The following STAU2 variants were observed in gnomAD, a reference collection of about 807,000 sequenced individuals.
The protein encoded by STAU2 is staufen double-stranded RNA binding protein 2, also known as double-stranded RNA-binding protein Staufen homolog 2.
STAU2 carries 20 observed loss-of-function variants against 65.9 expected under a neutral mutation model. The observed-to-expected ratio is 0.30, with a 90% CI of 0.21 to 0.44. The LOEUF (loss-of-function observed/expected upper bound fraction) is 0.44. STAU2 is among the 20% of genes least tolerant of loss of function. STAU2 has a pLI of 1.00. For synonymous variants in STAU2, 232 were observed against 233.9 expected, an observed-to-expected ratio of 0.99 and a Z score of 0.07; for missense variants, 558 against 683.9, an observed-to-expected ratio of 0.82 and a Z score of 2.05.
At chr8:73,665,968 T>C (rs904284183) in intron 6 of STAU2, among the ~76,000 whole-genome samples, 1 of 152,216 alleles carries the variant, frequency 6.6e-6, no homozygotes, top group Non-Finnish European at 1.5e-5. Context: ...CTGCGTTGTT[T>C]AGGAAATAAT....
At chr8:73,605,878 TACACACAC>T (rs58486426) in intron 9 of STAU2, among the ~76,000 whole-genome samples, 2,210 of 117,804 alleles carry the variant, frequency 0.019, 17 homozygotes, top group African/African-American at 0.024. Context: ...CACACACACA[TACACACAC>T]ACACACACAC....
At chr8:73,429,059 G>GCTTCCAAGAAA (rs1277799218) in intron 13 of STAU2, among the ~76,000 whole-genome samples, 11 of 152,104 alleles carry the variant, frequency 7.2e-5, no homozygotes, top group Non-Finnish European at 1.5e-4. Flanking sequence ...AGCTTCCAAG[G>GCTTCCAAGAAA]GGCAGTCCCT....
At chr8:73,736,844 T>C (rs1443020518) in intron 3 of STAU2, among the ~76,000 whole-genome samples, 4 of 152,172 alleles carry the variant, frequency 2.6e-5, no homozygotes, top group African/African-American at 9.7e-5. Context: ...AGCAGGACTA[T>C]ATGTCGGAAG....
At chr8:73,498,890 CTA>C (rs1419896556) in intron 13 of STAU2, among the ~76,000 whole-genome samples, 1 of 151,826 alleles carries the variant, frequency 6.6e-6, no homozygotes, top group African/African-American at 2.4e-5. Context: ...TGGTCCAACA[CTA>C]GTCTAGATGT....
At chr8:73,444,527 T>G (rs762620485) in intron 13 of STAU2, among the ~76,000 whole-genome samples, 14 of 152,112 alleles carry the variant, frequency 9.2e-5, no homozygotes, top group South Asian at 2.1e-4. Context: ...GAGCTGAGAA[T>G]TCTGAGGAAG....
intron 13 of STAU2, among the ~76,000 whole-genome samples, chr8:73,491,628 T>G (rs971471358): frequency 6.6e-6 from 1 of 151,926 alleles, no homozygotes; most frequent in Non-Finnish European, 1.5e-5. Context: ...TAAGTTACAT[T>G]TAAAATCTTA....
chr8:73,486,227 C>T (rs909608679), intron 13 of STAU2, among the ~76,000 whole-genome samples: 2 of 152,076 alleles, frequency 1.3e-5, no homozygotes, highest in Non-Finnish European at 2.9e-5. Context: ...TTAGTAAACA[C>T]TCCACTTTTT....
chr8:73,588,617 T>C (rs1013578347), intron 11 of STAU2, among the ~76,000 whole-genome samples: 2 of 152,058 alleles, frequency 1.3e-5, no homozygotes, highest in East Asian at 3.9e-4. Context: ...CTATATGCCG[T>C]TGGGGCAAAG....
At chr8:73,581,156 A>G (rs1809948108) in intron 12 of STAU2, among the ~76,000 whole-genome samples, 1 of 152,164 alleles carries the variant, frequency 6.6e-6, no homozygotes, top group Non-Finnish European at 1.5e-5. Context: ...AAAAAAAAAC[A>G]AACACATAAA....
chr8:73,616,571 G>A (rs1812844929), intron 7 of STAU2, among the ~76,000 whole-genome samples: 1 of 152,034 alleles, frequency 6.6e-6, no homozygotes. Context: ...GGCCGAGGCA[G>A]GCAAATCACG....
chr8:73,681,007 G>A (rs1015436945), intron 5 of STAU2, among the ~76,000 whole-genome samples: 8 of 151,980 alleles, frequency 5.3e-5, no homozygotes, highest in African/African-American at 9.7e-5. Flanking sequence ...TGGTGTTCCT[G>A]AGGAAGAAGA....
intron 9 of STAU2, among the ~76,000 whole-genome samples, chr8:73,607,892 C>G (rs1812145034): frequency 6.6e-6 from 1 of 152,094 alleles, no homozygotes; most frequent in African/African-American, 2.4e-5. Context: ...TCTCTACTAT[C>G]TGTAGAGACA....
intron 12 of STAU2, among the ~76,000 whole-genome samples, chr8:73,553,875 C>T (rs1372179427): frequency 6.6e-6 from 1 of 151,900 alleles, no homozygotes; most frequent in Admixed American, 6.6e-5. Flanking sequence ...GTAAGGATTA[C>T]TTTGAATTCT....
chr8:73,687,923 C>T (rs1453892953), intron 5 of STAU2, among the ~76,000 whole-genome samples: 1 of 151,234 alleles, frequency 6.6e-6, no homozygotes, highest in Non-Finnish European at 1.5e-5. Flanking sequence ...ACTGTGTTAG[C>T]CAGGATGGTC....
chr8:73,618,567 T>C (rs538769352), intron 6 of STAU2, among the ~76,000 whole-genome samples: 1 of 152,360 alleles, frequency 6.6e-6, no homozygotes, highest in African/African-American at 2.4e-5. Flanking sequence ...TACAAATTGC[T>C]GTAGGCATTT....
intron 13 of STAU2, among the ~76,000 whole-genome samples, chr8:73,448,796 T>C (rs1818622430): frequency 6.6e-6 from 1 of 152,234 alleles, no homozygotes; most frequent in African/African-American, 2.4e-5. Context: ...GTTCAGGGTA[T>C]GTGTTCACCC....
chr8:73,466,430 G>T (rs934719089), intron 13 of STAU2, among the ~76,000 whole-genome samples: 2 of 152,150 alleles, frequency 1.3e-5, no homozygotes, highest in East Asian at 3.8e-4. Flanking sequence ...GAGGATGAAG[G>T]TTTCTAGGCA....
At chr8:73,700,768 A>AC (rs1226997326) in intron 4 of STAU2, among the ~76,000 whole-genome samples, 3 of 152,162 alleles carry the variant, frequency 2.0e-5, no homozygotes, top group Non-Finnish European at 2.9e-5. Context: ...AATAGGAAAA[A>AC]CAATTCTAAA....
chr8:73,623,378 G>T (rs1223469303), intron 6 of STAU2, among the ~76,000 whole-genome samples: 1 of 152,010 alleles, frequency 6.6e-6, no homozygotes, highest in Non-Finnish European at 1.5e-5. Context: ...ATAACATTAG[G>T]ATTTTTACAA....
Sources: gnomAD v4.1 joint callset for allele counts (sites outside exome capture counted in the v4.1 genomes callset) on GRCh38, gnomAD v4.1.1 for gene constraint, MANE v1.5 for transcripts, NCBI Gene and HGNC (gene_info 2026-07-23, HGNC 2026-07-21) for gene names.